ZMYND15: variants seen among roughly 807,000 people sequenced by gnomAD.
The protein encoded by ZMYND15 is zinc finger MYND domain-containing protein 15.
A neutral mutation model predicts 81.7 loss-of-function variants in ZMYND15; 54 were observed. The ratio of observed to expected loss-of-function variants is 0.66; its 90% confidence interval spans 0.53 to 0.83. The LOEUF is 0.83. Among genes scored for constraint, ZMYND15 ranks in the 40% least tolerant of loss-of-function variants. ZMYND15 has a pLI of 0.00. For missense variants in ZMYND15, 925 were observed against 973.5 expected (o/e 0.95, Z 0.66); for synonymous variants, 399 against 387.0 (o/e 1.03, Z -0.36).
In ZMYND15 at chr17:4,743,276, T is replaced by A. The variant is rs1916508931; in HGVS notation, c.1145-27T>A. 6.3e-7 allele frequency: 1 copy of A among 1,592,688 alleles called. No individual in the cohort carries two copies. The highest frequency in any genetic ancestry group is 2.2e-5 in the East Asian group (1 of 44,602). On this transcript the variant is annotated intron_variant, in intron 5 of 13. Coordinates refer to ENST00000433935, the MANE Select transcript of ZMYND15 (RefSeq NM_001136046.3). The surrounding 1 kb of genome is among the most constrained non-coding windows in gnomAD (Gnocchi z 4.3). Reference sequence around the variant, plus strand: ...ATGTCTGGGGTTCTAGCCCAGCACCTCAACTCCTCCCCTTCTCCTTCTCCA... The same window carrying A: ...ATGTCTGGGGTTCTAGCCCAGCACCACAACTCCTCCCCTTCTCCTTCTCCA...
chr17:4,744,532 G>C lies in ZMYND15; in HGVS notation c.1683+65G>C. ...TCCAGTGACCTCCTGGTTGGGTCCT[G>C]CCCTTCTGCCCCCCACTCCCCATCT... On this transcript the variant is annotated intron_variant, in intron 10 of 13. Transcript: ENST00000433935. The surrounding 1 kb of genome is among the most constrained non-coding windows in gnomAD (Gnocchi z 4.1). 1 of 1,605,512 alleles carries C rather than the reference G, an allele frequency of 6.2e-7. No individual in the cohort carries two copies. The highest frequency in any genetic ancestry group is 1.7e-5 in the Admixed American group (1 of 59,414).
Position 4,743,592 on chromosome 17 carries a change from C to T in ZMYND15, c.1297+137C>T. 7.2e-7 allele frequency: 1 copy of T among 1,390,182 alleles called. No homozygotes were observed. Among genetic ancestry groups the T allele is most frequent in the Non-Finnish European group, 9.7e-7 (1 of 1,027,216 alleles). 86.1% of individuals were successfully genotyped at this position (1,390,182 alleles called of 1,614,324 possible). On this transcript the variant is annotated intron_variant, in intron 6 of 13. Transcript: ENST00000433935. The surrounding 1 kb of genome is among the most constrained non-coding windows in gnomAD (Gnocchi z 4.3). ...CACCAGGGCCATTTCAGGCCTTTCC[C>T]AGCCCTCAATGGAATCACCCCTACC...
rs1916533188 is a variant in ZMYND15, at chr17:4,743,649, A to G, written c.1298-118A>G. The stretch of plus-strand genomic sequence containing the variant: ...ACCCAGAAACCCCATCCCTATGCAA[A>G]CCCCCATTCCTCTTACTGCGGCTGT... On this transcript the variant is annotated intron_variant, in intron 6 of 13. Coordinates refer to ENST00000433935, the MANE Select transcript of ZMYND15 (RefSeq NM_001136046.3). This position sits in a 1 kb window ranked among gnomAD's most constrained non-coding sequence, Gnocchi z 4.3. The G allele has an allele frequency of 6.2e-6, 8 of 1,282,684 alleles. No homozygotes were observed. The highest frequency in any genetic ancestry group is 6.4e-6 in the Non-Finnish European group (6 of 936,000). The allele number at this position is 1,282,684 out of a possible 1,614,324, so 79.5% of individuals were successfully genotyped here.
rs751332473 is a variant in ZMYND15, at chr17:4,744,755, G to T, written c.1814G>T (p.Gly605Val). The change falls in exon 11 of 14, where the codon GGG becomes GTG. Residue 605 changes from glycine to valine, a missense_variant. By Grantham distance (109) the Gly-to-Val change is moderately radical. Transcript: ENST00000433935. This position sits in a 1 kb window ranked among gnomAD's most constrained non-coding sequence, Gnocchi z 4.1. ...VSARPYHLFQ[G>V]PKPDLVIGFN... is the part of the protein sequence containing the mutation. ...GCAAGGCCCTACCACCTGTTCCAGGGGCCCAAGCCTGACCTGGTTATTGGT... is the reference window on the plus strand; with the variant it reads ...GCAAGGCCCTACCACCTGTTCCAGGTGCCCAAGCCTGACCTGGTTATTGGT... The T allele has an allele frequency of 5.6e-6, 9 of 1,614,162 alleles. No homozygotes were observed. The highest frequency in any genetic ancestry group is 7.6e-6 in the Non-Finnish European group (9 of 1,180,022).
rs200613967 is a variant in ZMYND15, at chr17:4,744,124, G to A, written c.1495+17G>A. 4.2e-5 allele frequency: 68 copies of A among 1,609,150 alleles called. 1 individual carries two copies. The South Asian group carries it at 6.2e-4, about 15-fold the overall frequency. On this transcript the variant is annotated intron_variant, in intron 8 of 13. Transcript: ENST00000433935. The surrounding 1 kb of genome is among the most constrained non-coding windows in gnomAD (Gnocchi z 4.1). Reference sequence around the variant, plus strand: ...CCCAGTCCTGTAAGGAGAGCGGAGTGGGGGGTGGAGCAGGATGGGGGAGTG... The same window carrying A: ...CCCAGTCCTGTAAGGAGAGCGGAGTAGGGGGTGGAGCAGGATGGGGGAGTG...
chr17:4,742,541 G>A, intron 5 of ZMYND15, 50 bp downstream of exon 5: 1 of 1,598,314 alleles, frequency 6.3e-7, no homozygotes, highest in Non-Finnish European at 8.5e-7. Flanking sequence ...CCAGGTCTTT[G>A]AGACTGGGAA....
In ZMYND15 at chr17:4,742,060, C is replaced by T. The variant is rs549654110; in HGVS notation, c.973C>T (p.Leu325=). The part of the protein sequence containing the change: ...VCHRHSFEAK[L]TPCPQCSAVL... Reference sequence around the variant, plus strand: ...TCACAGGCACAGCTTTGAAGCGAAGCTGACACCTTGGTGAGCAGCCCCAAA... The same window carrying T: ...TCACAGGCACAGCTTTGAAGCGAAGTTGACACCTTGGTGAGCAGCCCCAAA... Residue 325 remains leucine (L), a synonymous_variant, in exon 4 of 14, where the codon CTG becomes TTG. Transcript: ENST00000433935. 2 of 1,614,160 alleles carry T rather than the reference C, an allele frequency of 1.2e-6. No homozygotes were observed. Among genetic ancestry groups the T allele is most frequent in the African/African-American group, 1.3e-5 (1 of 75,072 alleles).
At position 4,746,000 on chromosome 17, in the gene ZMYND15, C is replaced by A. The variant is rs753665022; in HGVS notation, c.*10C>A. The A allele has an allele frequency of 2.1e-6, 3 of 1,421,186 alleles. No homozygotes were observed. The highest frequency in any genetic ancestry group is 2.8e-6 in the Non-Finnish European group (3 of 1,089,578). The allele number at this position is 1,421,186 out of a possible 1,614,324, so 88.0% of individuals were successfully genotyped here. ...CCGCCGGCGGAAATGAATGCTGATACCCTAGTAGTCCCCAGCTCCCAAACA... is the reference window on the plus strand; with the variant it reads ...CCGCCGGCGGAAATGAATGCTGATAACCTAGTAGTCCCCAGCTCCCAAACA... On this transcript the variant is annotated 3_prime_UTR_variant, in exon 14 of 14. Coordinates refer to ENST00000433935, the MANE Select transcript of ZMYND15 (RefSeq NM_001136046.3). This position sits in a 1 kb window ranked among gnomAD's most constrained non-coding sequence, Gnocchi z 5.2.
Position 4,740,877 on chromosome 17 carries a change from A to C in ZMYND15, c.329A>C (p.Glu110Ala). ...CCCTACATCAGCTTTGTCAGCCTAG[A>C]GGATGGGGAGGAAGGGGAGGAGGAA... Reference protein sequence around the residue: ...LSPYISFVSLEDGEEGEEEEE... With the variant: ...LSPYISFVSLADGEEGEEEEE... Residue 110 changes from glutamate to alanine, a missense_variant, in exon 2 of 14, where the codon GAG becomes GCG. By Grantham distance (107) the Glu-to-Ala change is moderately radical. Coordinates refer to ENST00000433935, the MANE Select transcript of ZMYND15 (RefSeq NM_001136046.3). The C allele has an allele frequency of 2.5e-6, 4 of 1,577,478 alleles. No homozygotes were observed. The highest frequency in any genetic ancestry group is 3.4e-6 in the Non-Finnish European group (4 of 1,159,982).
Position 4,745,763 on chromosome 17 carries a change from G to T in ZMYND15, c.2058-56G>T, listed in dbSNP as rs148755181. ...CCTGGGAGCCCCGACCCCTGGGAGC[G>T]CCGACCCCTGGGAGTCCCGCCCCGT... On this transcript the variant is annotated intron_variant, in intron 13 of 13. Transcript: ENST00000433935. The surrounding 1 kb of genome is among the most constrained non-coding windows in gnomAD (Gnocchi z 5.2). The T allele has an allele frequency of 4.1e-5, 33 of 809,388 alleles. No homozygotes were observed. In the South Asian group the frequency reaches 7.5e-4, roughly 18 times the overall value. The allele number at this position is 809,388 out of a possible 1,614,324, so 50.1% of individuals were successfully genotyped here. A position where few individuals can be genotyped will look rare whatever the true frequency, so the allele number is the denominator to read the frequency against.
At position 4,740,987 on chromosome 17, in the gene ZMYND15, C is replaced by G. The variant is rs1916379600; in HGVS notation, c.439C>G (p.Leu147Val). ...EKVEPEEDRE[L>V]APTSRESPQE... ...GGTGGAACCAGAGGAGGACCGGGAGCTAGCCCCTACCAGCAGGGAGTCCCC... is the reference window on the plus strand; with the variant it reads ...GGTGGAACCAGAGGAGGACCGGGAGGTAGCCCCTACCAGCAGGGAGTCCCC... Residue 147 changes from leucine (L) to valine (V), a missense_variant, in exon 2 of 14, where the codon CTA becomes GTA. Physicochemically the swap from Leu to Val is conservative, Grantham distance 32 (BLOSUM62 1). Coordinates refer to ENST00000433935, the MANE Select transcript of ZMYND15 (RefSeq NM_001136046.3). 3.2e-6 allele frequency: 5 copies of G among 1,560,742 alleles called. No homozygotes were observed. The highest frequency in any genetic ancestry group is 4.3e-6 in the Non-Finnish European group (5 of 1,151,786).
chr17:4,740,585 G>T lies in ZMYND15; in HGVS notation c.37G>T (p.Asp13Tyr). ...FVSGYRDEFL[D>Y]FTALLFGWFR... is the part of the protein sequence containing the mutation. ...GTCTGGATACCGGGATGAGTTCCTT[G>T]ATTTCACTGCCCTTCTCTTCGGCTG... Residue 13 changes from aspartate to tyrosine, a missense_variant, in exon 2 of 14, where the codon GAT becomes TAT. Transcript: ENST00000433935. The T allele has an allele frequency of 6.2e-7, 1 of 1,607,828 alleles. No individual in the cohort carries two copies. Among genetic ancestry groups the T allele is most frequent in the South Asian group, 1.1e-5 (1 of 90,734 alleles).
chr17:4,742,324 T>C lies in ZMYND15; in HGVS notation c.984-7T>C, dbSNP rs1479045107. On this transcript the variant is annotated splice_region_variant and splice_polypyrimidine_tract_variant and intron_variant, in intron 4 of 13. Transcript: ENST00000433935. ...CACTAGGTGCCCACCACCCGCTGTGTCCCCAGCCCCCAGTGTAGTGCTGTC... is the reference window on the plus strand; with the variant it reads ...CACTAGGTGCCCACCACCCGCTGTGCCCCCAGCCCCCAGTGTAGTGCTGTC... The C allele has an allele frequency of 3.7e-6, 6 of 1,613,046 alleles. No homozygotes were observed. In the African/African-American group the frequency reaches 6.7e-5, roughly 18 times the overall value.
chr17:4,745,340 C>T lies in ZMYND15; in HGVS notation c.2022C>T (p.Pro674=). 6.2e-7 allele frequency: 1 copy of T among 1,610,950 alleles called. No homozygotes were observed. Among genetic ancestry groups the T allele is most frequent in the Non-Finnish European group, 8.5e-7 (1 of 1,178,688 alleles). Residue 674 remains proline, a synonymous_variant, in exon 13 of 14, where the codon CCC becomes CCT. Coordinates refer to ENST00000433935, the MANE Select transcript of ZMYND15 (RefSeq NM_001136046.3). This position sits in a 1 kb window ranked among gnomAD's most constrained non-coding sequence, Gnocchi z 5.2. ...SPPQPNPFRS[P]FRLRAADNCM... ...CCCAGCCCAACCCCTTCCGCTCCCCCTTTCGCCTCAGAGCGGCCGACAACT... is the reference window on the plus strand; with the variant it reads ...CCCAGCCCAACCCCTTCCGCTCCCCTTTTCGCCTCAGAGCGGCCGACAACT...
At chr17:4,742,958 G>T (rs979003959) in intron 5 of ZMYND15, among the ~76,000 whole-genome samples, 1 of 152,082 alleles carries the variant, frequency 6.6e-6, no homozygotes, top group African/African-American at 2.4e-5. Flanking sequence ...GCTAGGGAGA[G>T]TTCAAGGCTG....
In ZMYND15 at chr17:4,745,965, G is replaced by T; in HGVS notation, c.2204G>T (p.Gly735Val). The change falls in exon 14 of 14, where the codon GGG becomes GTG. Residue 735 changes from glycine to valine, a missense_variant. By Grantham distance (109) the Gly-to-Val change is moderately radical. Coordinates refer to ENST00000433935, the MANE Select transcript of ZMYND15 (RefSeq NM_001136046.3). This position sits in a 1 kb window ranked among gnomAD's most constrained non-coding sequence, Gnocchi z 5.2. ...AGGCGCCGAGGAGAAAAGAAACCTG[G>T]GCGGGGGGCCCGCCGGCGGAAATGA... ...TRRRRGEKKPGRGARRRK is the reference protein window; with the variant it reads ...TRRRRGEKKPVRGARRRK 1 of 1,451,134 alleles carries T rather than the reference G, an allele frequency of 6.9e-7. No homozygotes were observed. The highest frequency in any genetic ancestry group is 9.0e-7 in the Non-Finnish European group (1 of 1,106,502). 89.9% of individuals were successfully genotyped at this position (1,451,134 alleles called of 1,614,324 possible).
At chr17:4,740,407 G>A in intron 1 of ZMYND15, 112 bp from the exon 2 acceptor site, 12 of 1,364,362 alleles carry the variant, frequency 8.8e-6, no homozygotes, top group Non-Finnish European at 1.1e-5. Context: ...GCATATCCAC[G>A]GATCCAACCC....
Position 4,744,462 on chromosome 17 carries a change from C to A in ZMYND15, c.1678C>A (p.Gln560Lys). 1 of 1,614,010 alleles carries A rather than the reference C, an allele frequency of 6.2e-7. No homozygotes were observed. Among genetic ancestry groups the A allele is most frequent in the Middle Eastern group, 1.6e-4 (1 of 6,062 alleles). The part of the protein sequence containing the change: ...PESDEQHFTL[Q>K]RDSLEVSVRP... ...AAGCGACGAGCAGCATTTTACCCTG[C>A]AGAGGGTGAGGGCTGAGGGGGCCCT... The change falls in exon 10 of 14, where the codon CAG (glutamine) becomes AAG (lysine). Residue 560 changes from glutamine to lysine, a missense_variant. Gln to Lys is a moderately conservative substitution (Grantham distance 53). Transcript: ENST00000433935. This position sits in a 1 kb window ranked among gnomAD's most constrained non-coding sequence, Gnocchi z 4.1.
chr17:4,745,891 G>T lies in ZMYND15; in HGVS notation c.2130G>T (p.Gly710=). 7 of 1,558,580 alleles carry T rather than the reference G, an allele frequency of 4.5e-6. No individual in the cohort carries two copies. Among genetic ancestry groups the T allele is most frequent in the Non-Finnish European group, 6.1e-6 (7 of 1,154,648 alleles). The part of the protein sequence containing the change: ...AQGSGARPAP[G]PPPPSPTPSA... The stretch of plus-strand genomic sequence containing the variant: ...GGAGCGGGGCCCGCCCGGCGCCCGG[G>T]CCCCCACCCCCATCCCCAACTCCCT... The change falls in exon 14 of 14, where the codon GGG becomes GGT. Residue 710 remains glycine, a synonymous_variant. Transcript: ENST00000433935. This position sits in a 1 kb window ranked among gnomAD's most constrained non-coding sequence, Gnocchi z 5.2.
Sources: gnomAD v4.1 joint callset for allele counts (sites outside exome capture counted in the v4.1 genomes callset) on GRCh38, gnomAD v4.1.1 for gene constraint, Gnocchi (gnomAD v3.1) non-coding constraint, MANE v1.5 for transcripts, NCBI Gene and HGNC (gene_info 2026-07-23, HGNC 2026-07-21) for gene names.